The following HUNK variants were observed in gnomAD, a reference collection of about 807,000 sequenced individuals.
HUNK encodes hormonally up-regulated Neu-associated kinase.
HUNK carries 21 observed loss-of-function variants against 61.0 expected under a neutral mutation model. The observed-to-expected ratio is 0.34, with a 90% confidence interval of 0.24 to 0.50. The LOEUF is 0.50. Among genes scored for constraint, HUNK ranks in the 20% least tolerant of loss-of-function variants. The probability of loss-of-function intolerance (pLI) is 0.98; values close to 1 mark genes in which losing one functional copy is unlikely to be tolerated. For synonymous variants in HUNK, 371 were observed against 386.1 expected, an observed-to-expected ratio of 0.96 and a Z score of 0.46; for missense variants, 772 against 945.7, an observed-to-expected ratio of 0.82 and a Z score of 2.41.
At chr21:31,966,898 A>G (rs2052970772) in intron 5 of HUNK, among the ~76,000 whole-genome samples, 1 of 152,202 alleles carries the variant, frequency 6.6e-6, no homozygotes, top group Admixed American at 6.5e-5. Context: ...ACATTACCGC[A>G]ATACTTTGTA....
chr21:31,917,459 C>T (rs2052591441), intron 1 of HUNK, among the ~76,000 whole-genome samples: 1 of 152,134 alleles, frequency 6.6e-6, no homozygotes, highest in African/African-American at 2.4e-5. Flanking sequence ...TATATTGGAA[C>T]TGTGCTCTTC....
At chr21:31,928,792 C>G (rs2052678168) in intron 2 of HUNK, among the ~76,000 whole-genome samples, 1 of 152,068 alleles carries the variant, frequency 6.6e-6, no homozygotes, top group Non-Finnish European at 1.5e-5. Context: ...TTCAGCTGAC[C>G]ACTGGTATGT....
At chr21:31,890,251 C>T (rs1453493060) in intron 1 of HUNK, among the ~76,000 whole-genome samples, 1 of 148,676 alleles carries the variant, frequency 6.7e-6, no homozygotes, top group East Asian at 2.0e-4. Context: ...TTTTTTGAGA[C>T]AGAGTCTCGC....
At chr21:31,981,542 G>A (rs1321282200) in intron 7 of HUNK, among the ~76,000 whole-genome samples, 1 of 152,044 alleles carries the variant, frequency 6.6e-6, no homozygotes, top group Non-Finnish European at 1.5e-5. Flanking sequence ...TTTCATCAGT[G>A]TCTTATAGTT....
chr21:31,907,103 G>A lies in HUNK; in HGVS notation c.262-17365G>A, dbSNP rs117205872. ...GGCAGGAGAATTTCTTTCTTGGGAGGCAGAGGTTGAAGTGAGCTGAGATCT... is the reference window on the plus strand; with the variant it reads ...GGCAGGAGAATTTCTTTCTTGGGAGACAGAGGTTGAAGTGAGCTGAGATCT... On this transcript the variant is annotated intron_variant, in intron 1 of 10. Coordinates refer to ENST00000270112, the MANE Select transcript of HUNK (RefSeq NM_014586.2). 4.5e-4 allele frequency among the ~76,000 whole-genome samples: 68 copies of A among 152,212 alleles called. No homozygotes were observed. The East Asian group carries it at 0.011, about 25-fold the overall frequency.
intron 7 of HUNK, among the ~76,000 whole-genome samples, chr21:31,981,388 T>G (rs2053096525): frequency 6.6e-6 from 1 of 152,108 alleles, no homozygotes; most frequent in Non-Finnish European, 1.5e-5. Context: ...TTTTTCTGTT[T>G]CTGTGAAAAA....
intron 8 of HUNK, among the ~76,000 whole-genome samples, chr21:31,985,103 C>T (rs2053123862): frequency 6.6e-6 from 1 of 152,194 alleles, no homozygotes; most frequent in Non-Finnish European, 1.5e-5. Context: ...ATTCAGTGAT[C>T]TCCACCTGTC....
chr21:31,947,723 AC>A lies in HUNK; in HGVS notation c.746+1557del, dbSNP rs1383241958. On this transcript the variant is annotated intron_variant, in intron 4 of 10. Coordinates refer to ENST00000270112, the MANE Select transcript of HUNK (RefSeq NM_014586.2). ...GGGTCCCCCATGGTCACAGTGAGTC[AC>A]CCCCTCCACCATCCCCTGTCAGTGA... is the stretch of plus-strand genomic sequence containing the variant. 9.9e-5 allele frequency among the ~76,000 whole-genome samples: 15 copies of A among 151,838 alleles called. No individual in the cohort carries two copies. In the East Asian group the frequency reaches 2.9e-3, roughly 30 times the overall value.
chr21:31,964,915 T>A (rs2052952631), intron 5 of HUNK, among the ~76,000 whole-genome samples: 1 of 152,184 alleles, frequency 6.6e-6, no homozygotes, highest in South Asian at 2.1e-4. Flanking sequence ...CCAAGTCTTT[T>A]GAGGCAACCC....
intron 1 of HUNK, among the ~76,000 whole-genome samples, chr21:31,877,717 G>A (rs2052275217): frequency 6.6e-6 from 1 of 152,144 alleles, no homozygotes; most frequent in South Asian, 2.1e-4. Flanking sequence ...CCACTCTCTG[G>A]CTTTGAGACG....
intron 1 of HUNK, among the ~76,000 whole-genome samples, chr21:31,877,899 C>T (rs1347190577): frequency 1.3e-5 from 2 of 152,102 alleles, no homozygotes; most frequent in African/African-American, 4.8e-5. Flanking sequence ...TTGGGGGCTG[C>T]TGCATGATCA....
chr21:32,004,049 AAT>A lies in HUNK; in HGVS notation c.*4866_*4867del, dbSNP rs1229572039. The A allele has an allele frequency of 6.6e-6, 1 of 152,204 alleles. No individual in the cohort carries two copies. The highest frequency in any genetic ancestry group is 1.5e-5 in the Non-Finnish European group (1 of 68,032). 9.4% of individuals were successfully genotyped at this position (152,204 alleles called of 1,614,324 possible). On this transcript the variant is annotated 3_prime_UTR_variant, in exon 11 of 11. Transcript: ENST00000270112. Reference sequence around the variant, plus strand: ...GTATCATTTACAGGTGAAAAAAATAAATGGGTCTGACTTCAGGGCCTCAGCTC... The same window carrying A: ...GTATCATTTACAGGTGAAAAAAATAAGGGTCTGACTTCAGGGCCTCAGCTC...
At position 31,998,512 on chromosome 21, in the gene HUNK, T is replaced by C. The variant is rs1270496730; in HGVS notation, c.1487-14T>C. ...GGACGTCCTCATGATTGTTTATGCT[T>C]TCTTGGTGTGCAGATTCCTTTGGCT... On this transcript the variant is annotated splice_polypyrimidine_tract_variant and intron_variant, in intron 10 of 10. Transcript: ENST00000270112. 3 of 1,564,836 alleles carry C rather than the reference T, an allele frequency of 1.9e-6. No individual in the cohort carries two copies. Among genetic ancestry groups the C allele is most frequent in the Non-Finnish European group, 2.6e-6 (3 of 1,156,996 alleles).
chr21:31,946,054 G>A lies in HUNK; in HGVS notation c.629G>A (p.Cys210Tyr). The change falls in exon 4 of 11, where the codon TGC (cysteine) becomes TAC (tyrosine). Residue 210 changes from cysteine to tyrosine, a missense_variant. Cys to Tyr is a radical substitution (Grantham distance 194, BLOSUM62 -2). Around this residue, in one of 2 missense-constraint regions of HUNK, gnomAD observed 359 missense variants for 501.3 expected, o/e 0.72. Coordinates refer to ENST00000270112, the MANE Select transcript of HUNK (RefSeq NM_014586.2). Reference protein sequence around the residue: ...IKLIDFGLSNCAGILGYSDPF... With the variant: ...IKLIDFGLSNYAGILGYSDPF... ...TTTGCAGACTTTGGTTTGAGCAACT[G>A]CGCAGGGATCCTGGGTTACTCGGAT... is the stretch of plus-strand genomic sequence containing the variant. The A allele has an allele frequency of 6.2e-7, 1 of 1,605,220 alleles. No homozygotes were observed. The highest frequency in any genetic ancestry group is 8.5e-7 in the Non-Finnish European group (1 of 1,172,964).
In HUNK at chr21:31,931,891, A is replaced by G. The variant is rs373470546; in HGVS notation, c.554+7131A>G. Among the ~76,000 whole-genome samples the G allele has an allele frequency of 2.5e-3, 375 of 152,078 alleles. 2 individuals are homozygous for G. The highest frequency in any genetic ancestry group is 8.8e-3 in the African/African-American group (365 of 41,478). ...TCCCATCTGCCTTCTCCCATCCCAC[A>G]ACCCTGGATGCATGTGATGCATGCA... On this transcript the variant is annotated intron_variant, in intron 2 of 10. Coordinates refer to ENST00000270112, the MANE Select transcript of HUNK (RefSeq NM_014586.2).
intron 1 of HUNK, among the ~76,000 whole-genome samples, chr21:31,900,030 C>T (rs2052453209): frequency 6.6e-6 from 1 of 152,104 alleles, no homozygotes; most frequent in South Asian, 2.1e-4. Flanking sequence ...CCTCCTTGGG[C>T]TCCCAAAGTG....
chr21:31,914,401 T>C, intron 1 of HUNK, among the ~76,000 whole-genome samples: 1 of 86,956 alleles, frequency 1.2e-5, no homozygotes, highest in African/African-American at 4.7e-5. Flanking sequence ...AGAGTGAAAC[T>C]CTGTCTCAAA....
At position 31,907,944 on chromosome 21, in the gene HUNK, C is replaced by T. The variant is rs1335174488; in HGVS notation, c.262-16524C>T. Among the ~76,000 whole-genome samples, 6 of 151,898 alleles carry T rather than the reference C, an allele frequency of 4.0e-5. No homozygotes were observed. The East Asian group carries it at 9.7e-4, about 25-fold the overall frequency. On this transcript the variant is annotated intron_variant, in intron 1 of 10. Transcript: ENST00000270112. Reference sequence around the variant, plus strand: ...GACGGAGGTTGCAGTGAGCTGAGATCGCGCCACTGCAACTCCAGCCTGGGT... The same window carrying T: ...GACGGAGGTTGCAGTGAGCTGAGATTGCGCCACTGCAACTCCAGCCTGGGT...
At chr21:31,979,155 T>G (rs1469541514) in intron 7 of HUNK, among the ~76,000 whole-genome samples, 2 of 147,516 alleles carry the variant, frequency 1.4e-5, no homozygotes, top group East Asian at 4.0e-4. Flanking sequence ...CAGGCTGGAG[T>G]GCAGTGGCGT....
Sources: allele counts gnomAD v4.1 joint callset (sites outside exome capture counted in the v4.1 genomes callset), GRCh38; gene constraint gnomAD v4.1.1; regional missense constraint gnomAD v4.1.1; transcripts MANE v1.5; gene names NCBI Gene and HGNC (gene_info 2026-07-23, HGNC 2026-07-21).